Variants in KIF6 observed in about 807,000 individuals in gnomAD.
KIF6 encodes the protein kinesin family member 6.
A neutral mutation model predicts 112.7 loss-of-function variants in KIF6; 106 were observed. That is an observed-to-expected ratio of 0.94 (90% CI 0.80 to 1.11). The LOEUF is 1.11. Ranked by LOEUF, KIF6 falls within the 50% of genes least tolerant of loss-of-function variation. The probability of loss-of-function intolerance (pLI) is 0.00; values close to 1 mark genes in which losing one functional copy is unlikely to be tolerated. For missense variants in KIF6, 929 were observed against 964.0 expected, an observed-to-expected ratio of 0.96 and a Z score of 0.48; for synonymous variants, 339 against 339.9, an observed-to-expected ratio of 1.00 and a Z score of 0.03.
intron 13 of KIF6, among the ~76,000 whole-genome samples, chr6:39,526,594 CT>C (rs1777744320): frequency 6.6e-6 from 1 of 152,196 alleles, no homozygotes; most frequent in South Asian, 2.1e-4. Context: ...TGTGCATTAT[CT>C]TTCTCTCTCT....
chr6:39,596,011 T>C (rs376668594), intron 7 of KIF6, 43 bp downstream of exon 7: 1 of 1,464,496 alleles, frequency 6.8e-7, no homozygotes, highest in Non-Finnish European at 9.6e-7. Context: ...GGTCAACACA[T>C]GGTAGCTATA....
intron 3 of KIF6, among the ~76,000 whole-genome samples, chr6:39,652,545 CAAAACAAACAAAGA>C (rs1392798291): frequency 2.0e-5 from 3 of 150,758 alleles, no homozygotes; most frequent in East Asian, 3.9e-4. Flanking sequence ...AAAAACAAAA[CAAAACAAACAAAGA>C]AAAACAAACA....
chr6:39,349,839 G>GT (rs1368084893), intron 19 of KIF6, among the ~76,000 whole-genome samples: 7 of 151,708 alleles, frequency 4.6e-5, no homozygotes, highest in Non-Finnish European at 8.8e-5. Flanking sequence ...AGAGATGAGG[G>GT]TTCACCATAT....
intron 19 of KIF6, among the ~76,000 whole-genome samples, chr6:39,350,528 G>A (rs1764161303): frequency 6.6e-6 from 1 of 152,180 alleles, no homozygotes; most frequent in Non-Finnish European, 1.5e-5. Flanking sequence ...TGGCCCAGGA[G>A]GGCCCTCTAC....
At chr6:39,688,723 T>G (rs1397162551) in intron 3 of KIF6, among the ~76,000 whole-genome samples, 1 of 152,174 alleles carries the variant, frequency 6.6e-6, no homozygotes, top group Non-Finnish European at 1.5e-5. Context: ...AGCCTTGGGC[T>G]TGTGCAATAA....
At chr6:39,721,116 G>T (rs1365585376) in intron 1 of KIF6, among the ~76,000 whole-genome samples, 2 of 152,116 alleles carry the variant, frequency 1.3e-5, no homozygotes, top group Non-Finnish European at 2.9e-5. Flanking sequence ...CTAATAGCCT[G>T]AAAGCAACAT....
intron 13 of KIF6, among the ~76,000 whole-genome samples, chr6:39,530,841 A>T (rs970281851): frequency 2.6e-5 from 4 of 152,220 alleles, no homozygotes; most frequent in African/African-American, 7.2e-5. Flanking sequence ...TCAAAACAAC[A>T]TACTTATTAA....
chr6:39,613,110 T>A, intron 6 of KIF6, 79 bp downstream of exon 6: 1 of 1,102,010 alleles, frequency 9.1e-7, no homozygotes, highest in Non-Finnish European at 1.2e-6. Flanking sequence ...TTCTATTATA[T>A]CTTTTTTTTT....
chr6:39,505,663 C>G (rs1173761732), intron 13 of KIF6, among the ~76,000 whole-genome samples: 1 of 151,978 alleles, frequency 6.6e-6, no homozygotes, highest in Non-Finnish European at 1.5e-5. Flanking sequence ...AAGAAAACAA[C>G]CAAACAACCC....
chr6:39,596,537 T>G (rs1782278977), intron 6 of KIF6, among the ~76,000 whole-genome samples: 1 of 152,222 alleles, frequency 6.6e-6, no homozygotes, highest in East Asian at 1.9e-4. Context: ...TAACTTTATT[T>G]CATTACCTGT....
intron 6 of KIF6, among the ~76,000 whole-genome samples, chr6:39,607,322 G>C (rs543220050): frequency 6.6e-5 from 10 of 152,056 alleles, no homozygotes; most frequent in Non-Finnish European, 1.2e-4. Context: ...CATTAAATCA[G>C]GTTAGATCAG....
chr6:39,488,739 C>T (rs1435199946), intron 13 of KIF6, among the ~76,000 whole-genome samples: 3 of 152,230 alleles, frequency 2.0e-5, no homozygotes, highest in African/African-American at 7.2e-5. Flanking sequence ...ACTGTCCTGA[C>T]CAGCCATTCA....
chr6:39,561,600 C>T (rs549941444), intron 10 of KIF6, among the ~76,000 whole-genome samples: 4 of 152,126 alleles, frequency 2.6e-5, no homozygotes, highest in East Asian at 1.9e-4. Flanking sequence ...TCAAGTGATC[C>T]GCCTGCCTTG....
chr6:39,510,937 A>C (rs796533585), intron 13 of KIF6, among the ~76,000 whole-genome samples: 10 of 151,008 alleles, frequency 6.6e-5, no homozygotes, highest in African/African-American at 2.4e-4. Context: ...AACAGACTTT[A>C]AACCAACAAA....
At chr6:39,403,469 T>G (rs545254768) in intron 15 of KIF6, among the ~76,000 whole-genome samples, 8 of 152,342 alleles carry the variant, frequency 5.3e-5, no homozygotes, top group African/African-American at 1.4e-4. Context: ...GAGTCACTCA[T>G]GTTGTCTTAT....
At position 39,596,297 on chromosome 6, in the gene KIF6, A is replaced by G. The variant is rs774960920; in HGVS notation, c.640-37T>C. 18 of 1,355,468 alleles carry G rather than the reference A, an allele frequency of 1.3e-5. No individual in the cohort carries two copies. In the African/African-American group the frequency reaches 2.3e-4, roughly 17 times the overall value. 84.0% of individuals were successfully genotyped at this position (1,355,468 alleles called of 1,614,324 possible). ...TTGCAAAACAAAAATTATTTGAACAATGAAAATTTTTAAAGAATATCAAAA... is the reference window on the plus strand; with the variant it reads ...TTGCAAAACAAAAATTATTTGAACAGTGAAAATTTTTAAAGAATATCAAAA... On this transcript the variant is annotated intron_variant, in intron 6 of 22. Coordinates refer to ENST00000287152, the MANE Select transcript of KIF6 (RefSeq NM_145027.6).
rs139554209 is a variant in KIF6 at position 39,367,313 on chromosome 6, C to T, written c.1862-4795G>A. Among the ~76,000 whole-genome samples, 697 of 152,262 alleles carry T rather than the reference C, an allele frequency of 4.6e-3. 3 individuals are homozygous for T. Among genetic ancestry groups the T allele is most frequent in the African/African-American group, 0.015 (641 of 41,550 alleles). On this transcript the variant is annotated intron_variant, in intron 16 of 22. Transcript: ENST00000287152. ...TTTGAGTTTTGTAGGTCTCCATCCC[C>T]ACGGGGACTCTGGCCAGGGACAGAG...
intron 10 of KIF6, among the ~76,000 whole-genome samples, chr6:39,576,284 C>T (rs1780971395): frequency 6.6e-6 from 1 of 151,908 alleles, no homozygotes; most frequent in African/African-American, 2.4e-5. Context: ...ACCACCACAC[C>T]CGGCTAATTT....
At chr6:39,609,111 G>A (rs1358253863) in intron 6 of KIF6, among the ~76,000 whole-genome samples, 1 of 152,166 alleles carries the variant, frequency 6.6e-6, no homozygotes, top group African/African-American at 2.4e-5. Flanking sequence ...GTGGAGCCAG[G>A]GGTAGAAAAG....
Sources: gnomAD v4.1 joint callset for allele counts (sites outside exome capture counted in the v4.1 genomes callset) on GRCh38, gnomAD v4.1.1 for gene constraint, MANE v1.5 for transcripts, NCBI Gene and HGNC (gene_info 2026-07-23, HGNC 2026-07-21) for gene names.